Variants in SLC9D1 observed in about 807,000 individuals in gnomAD.
SLC9D1 encodes solute carrier family 9 member D1, also known as putative LAG1-interacting protein.
the SLC9D1 span, chr13:113,549,374 G>A: frequency 1.3e-6 from 2 of 1,598,280 alleles, no homozygotes; most frequent in Non-Finnish European, 1.7e-6. Context: ...TCCTGTTGCA[G>A]GTGCTAGTCC....
At chr13:113,549,558 C>A in the SLC9D1 span, 1 of 1,613,676 alleles carries the variant, frequency 6.2e-7, no homozygotes, top group Non-Finnish European at 8.5e-7. Context: ...GATGATGGAC[C>A]GTGGAAGGGA....
the SLC9D1 span, among the ~76,000 whole-genome samples, chr13:113,497,279 G>A: frequency 6.6e-6 from 1 of 151,858 alleles, no homozygotes; most frequent in African/African-American, 2.4e-5. Flanking sequence ...CCAGCTGTGT[G>A]CAAGACCTGC....
At chr13:113,503,405 C>T in the SLC9D1 span, 3 of 821,688 alleles carry the variant, frequency 3.7e-6, no homozygotes, top group African/African-American at 3.4e-5. Flanking sequence ...TGGATACTTC[C>T]ACCGGGCATA....
At chr13:113,527,707 A>G in the SLC9D1 span, 2 of 152,052 alleles carry the variant, frequency 1.3e-5, no homozygotes, top group African/African-American at 4.8e-5. Context: ...CTGTGGGTTT[A>G]TGTCTCTTGG....
At chr13:113,509,523 A>G in the SLC9D1 span, among the ~76,000 whole-genome samples, 5 of 151,664 alleles carry the variant, frequency 3.3e-5, no homozygotes. Context: ...CATGACGCCT[A>G]TGTTTAGCCA....
the SLC9D1 span, among the ~76,000 whole-genome samples, chr13:113,521,686 G>A: frequency 2.6e-5 from 4 of 152,056 alleles, no homozygotes; most frequent in Non-Finnish European, 4.4e-5. Flanking sequence ...GCTTGGGTTC[G>A]TATGGAGAGA....
At chr13:113,526,226 A>T in the SLC9D1 span, among the ~76,000 whole-genome samples, 21 of 152,236 alleles carry the variant, frequency 1.4e-4, no homozygotes, top group Non-Finnish European at 2.9e-4. Context: ...AAGTTTAAAA[A>T]GTTAAAAAAA....
chr13:113,512,520 G>A, the SLC9D1 span, among the ~76,000 whole-genome samples: 1 of 151,980 alleles, frequency 6.6e-6, no homozygotes, highest in Non-Finnish European at 1.5e-5. Context: ...TAGACGGAGA[G>A]GGTTGGAGAG....
chr13:113,499,397 C>G, the SLC9D1 span, among the ~76,000 whole-genome samples: 3,335 of 152,302 alleles, frequency 0.022, 107 homozygotes, highest in African/African-American at 0.065. Context: ...CAGTAGGTTT[C>G]ATCCTCATTT....
At chr13:113,520,879 T>A in the SLC9D1 span, 1 of 646,712 alleles carries the variant, frequency 1.5e-6, no homozygotes, top group South Asian at 1.8e-5. Context: ...ACTGCCTTGC[T>A]CACGCCCTGG....
chr13:113,530,839 T>C, the SLC9D1 span, among the ~76,000 whole-genome samples: 2 of 152,210 alleles, frequency 1.3e-5, no homozygotes, highest in African/African-American at 4.8e-5. Context: ...TATGAATAAC[T>C]GAGTTTGAAA....
the SLC9D1 span, chr13:113,534,361 A>G: frequency 2.4e-6 from 2 of 833,770 alleles, no homozygotes; most frequent in South Asian, 1.7e-5. Flanking sequence ...AACATTTACT[A>G]GTATTTTTTA....
the SLC9D1 span, chr13:113,524,119 TGTCA>T: frequency 0.14 from 65,566 of 455,732 alleles, 6,255 homozygotes; most frequent in African/African-American, 0.35. Flanking sequence ...TTTTAATATA[TGTCA>T]GTCAGTTAAC....
At chr13:113,507,157 C>A in the SLC9D1 span, among the ~76,000 whole-genome samples, 1 of 152,068 alleles carries the variant, frequency 6.6e-6, no homozygotes, top group African/African-American at 2.4e-5. Flanking sequence ...CCGGTCCCAA[C>A]TCCTCTCACC....
the SLC9D1 span, among the ~76,000 whole-genome samples, chr13:113,519,898 A>G: frequency 6.6e-6 from 1 of 152,228 alleles, no homozygotes; most frequent in Non-Finnish European, 1.5e-5. Context: ...CGTGGAACAC[A>G]CCACGTGACC....
At chr13:113,492,337 G>A in the SLC9D1 span, among the ~76,000 whole-genome samples, 1 of 152,164 alleles carries the variant, frequency 6.6e-6, no homozygotes, top group African/African-American at 2.4e-5. Context: ...TTTTGAGATG[G>A]TTGTAGATCA....
At chr13:113,529,389 GC>G in the SLC9D1 span, 6 of 150,998 alleles carry the variant, frequency 4.0e-5, no homozygotes, top group East Asian at 2.4e-4. Flanking sequence ...AGCGGCTTCC[GC>G]CTGTCATCCT....
the SLC9D1 span, among the ~76,000 whole-genome samples, chr13:113,519,384 G>A: frequency 3.9e-4 from 58 of 149,844 alleles, no homozygotes; most frequent in South Asian, 0.012. Flanking sequence ...TACCTTGTTC[G>A]GGGTGGGGTT....
the SLC9D1 span, chr13:113,548,493 G>C: frequency 1.3e-6 from 2 of 1,574,016 alleles, no homozygotes; most frequent in Non-Finnish European, 1.7e-6. Flanking sequence ...CGGGCGGCAC[G>C]GGCTGCACTC....
Sources: gnomAD v4.1 joint callset for allele counts (sites outside exome capture counted in the v4.1 genomes callset) on GRCh38, gnomAD v4.1.1 for gene constraint, MANE v1.5 for transcripts, NCBI Gene and HGNC (gene_info 2026-07-23, HGNC 2026-07-21) for gene names.